IL1RAP: variants seen among roughly 807,000 people sequenced by gnomAD.
IL1RAP encodes interleukin-1 receptor accessory protein.
IL1RAP carries 35 observed loss-of-function variants against 60.7 expected under a neutral mutation model. The observed-to-expected ratio is 0.58, with a 90% confidence interval of 0.44 to 0.76. The LOEUF (loss-of-function observed/expected upper bound fraction) is 0.76. Among genes scored for constraint, IL1RAP ranks in the 30% least tolerant of loss-of-function variants. IL1RAP has a pLI of 0.00. For synonymous variants in IL1RAP, 268 were observed against 250.9 expected (o/e 1.07, Z -0.64); for missense variants, 572 against 693.9 (o/e 0.82, Z 1.97).
At chr3:190,522,343 TCCC>T (rs1722129557) in intron 1 of IL1RAP, among the ~76,000 whole-genome samples, 1 of 148,294 alleles carries the variant, frequency 6.7e-6, no homozygotes, top group African/African-American at 2.6e-5. Context: ...CCTTCCTTCC[TCCC>T]TCCCTCCCTT....
chr3:190,553,196 G>T (rs1389757581), intron 1 of IL1RAP, among the ~76,000 whole-genome samples: 1 of 152,126 alleles, frequency 6.6e-6, no homozygotes, highest in Non-Finnish European at 1.5e-5. Context: ...ATGGAGGCCC[G>T]CAAGGAAGTA....
chr3:190,587,915 A>G (rs1053960076), intron 3 of IL1RAP, among the ~76,000 whole-genome samples: 20 of 152,302 alleles, frequency 1.3e-4, no homozygotes, highest in African/African-American at 4.3e-4. Context: ...AATATCCTCT[A>G]TATCTGGGAT....
chr3:190,529,857 C>CA (rs56743516), intron 1 of IL1RAP, among the ~76,000 whole-genome samples: 15,058 of 75,486 alleles, frequency 0.2, 1,516 homozygotes, highest in African/African-American at 0.37. Flanking sequence ...GACTCTGACT[C>CA]AAAAAAAAAA....
chr3:190,557,469 A>T (rs536210732), intron 2 of IL1RAP, among the ~76,000 whole-genome samples: 1 of 152,158 alleles, frequency 6.6e-6, no homozygotes, highest in African/African-American at 2.4e-5. Context: ...GCTATTTCCT[A>T]AAAAGGGAGA....
chr3:190,537,216 C>CTT, intron 1 of IL1RAP, among the ~76,000 whole-genome samples: 1 of 151,458 alleles, frequency 6.6e-6, no homozygotes. Context: ...ATTTTCTCTT[C>CTT]TTTTTTTTTA....
At chr3:190,648,215 G>A (rs755515617) in intron 11 of IL1RAP, 123 bp from the exon 12 acceptor site, 6 of 1,260,576 alleles carry the variant, frequency 4.8e-6, no homozygotes, top group Non-Finnish European at 6.6e-6. Flanking sequence ...ATTTTTGCTG[G>A]TAAAATGTTT....
At chr3:190,565,059 C>T (rs1726255390) in intron 3 of IL1RAP, among the ~76,000 whole-genome samples, 1 of 151,820 alleles carries the variant, frequency 6.6e-6, no homozygotes, top group Non-Finnish European at 1.5e-5. Context: ...TAATCAAATT[C>T]TTAGAAAGTT....
Position 190,649,591 on chromosome 3 carries a change from G to A in IL1RAP, c.*886G>A. 1 of 985,826 alleles carries A rather than the reference G, an allele frequency of 1.0e-6. No homozygotes were observed. The highest frequency in any genetic ancestry group is 4.7e-5 in the South Asian group (1 of 21,290). The allele number at this position is 985,826 out of a possible 1,614,324, so 61.1% of individuals were successfully genotyped here. ...TGACTCATGAAAAGAGCACAGAAAAGGATGTTTGGCAATTTGTCTTTTAAG... is the reference window on the plus strand; with the variant it reads ...TGACTCATGAAAAGAGCACAGAAAAAGATGTTTGGCAATTTGTCTTTTAAG... On this transcript the variant is annotated 3_prime_UTR_variant, in exon 12 of 12. Coordinates refer to ENST00000447382, the MANE Select transcript of IL1RAP (RefSeq NM_002182.4).
chr3:190,587,576 TAGCTATGAGGAAGTTTAA>T (rs1401018933), intron 3 of IL1RAP, among the ~76,000 whole-genome samples: 2 of 152,228 alleles, frequency 1.3e-5, no homozygotes, highest in Non-Finnish European at 2.9e-5. Flanking sequence ...GAACTATATT[TAGCTATGAGGAAGTTTAA>T]AGTGATCTGT....
Position 190,583,140 on chromosome 3 carries a change from G to A in IL1RAP, c.64+18787G>A, listed in dbSNP as rs191573317. ...CTTTTTCATGATAATCACTCCAATAGCAATTGTTGTTAATTGGGTAATTAT... is the reference window on the plus strand; with the variant it reads ...CTTTTTCATGATAATCACTCCAATAACAATTGTTGTTAATTGGGTAATTAT... On this transcript the variant is annotated intron_variant, in intron 3 of 11. Coordinates refer to ENST00000447382, the MANE Select transcript of IL1RAP (RefSeq NM_002182.4). Among the ~76,000 whole-genome samples the A allele has an allele frequency of 2.6e-5, 4 of 152,246 alleles. No individual in the cohort carries two copies. In the East Asian group the frequency reaches 5.8e-4, roughly 22 times the overall value.
intron 2 of IL1RAP, among the ~76,000 whole-genome samples, chr3:190,562,263 G>A (rs3773982): frequency 0.2 from 30,953 of 151,890 alleles, 3,580 homozygotes; most frequent in African/African-American, 0.32. Flanking sequence ...CTTGTGTTTC[G>A]TCTTCTTTTA....
At chr3:190,630,075 C>A in intron 9 of IL1RAP, 1 of 785,588 alleles carries the variant, frequency 1.3e-6, no homozygotes, top group Non-Finnish European at 1.5e-6. Context: ...TGTTTATTTT[C>A]CAAAAATGCA....
chr3:190,609,002 A>G lies in IL1RAP; in HGVS notation c.358A>G (p.Thr120Ala). 6.2e-7 allele frequency: 1 copy of G among 1,612,682 alleles called. No individual in the cohort carries two copies. The highest frequency in any genetic ancestry group is 8.5e-7 in the Non-Finnish European group (1 of 1,179,194). ...GTATATTTCTTTTTTCAGGAACACT[A>G]CATATTGCAGCAAAGTTGCATTTCC... ...GNYTCMLRNT[T>A]YCSKVAFPLE... is the part of the protein sequence containing the mutation. The change falls in exon 5 of 12, where the codon ACA becomes GCA. Residue 120 changes from threonine (T) to alanine (A), a missense_variant. By Grantham distance (58) the Thr-to-Ala change is moderately conservative. Coordinates refer to ENST00000447382, the MANE Select transcript of IL1RAP (RefSeq NM_002182.4).
At chr3:190,526,581 G>A (rs1447225407) in intron 1 of IL1RAP, among the ~76,000 whole-genome samples, 1 of 152,148 alleles carries the variant, frequency 6.6e-6, no homozygotes, top group Non-Finnish European at 1.5e-5. Context: ...CTGTGATATG[G>A]TAAAATTACT....
chr3:190,629,723 C>T, intron 9 of IL1RAP: 2 of 1,229,438 alleles, frequency 1.6e-6, no homozygotes. Flanking sequence ...CCAAATGTAG[C>T]TAAAAAAATC....
At chr3:190,627,786 C>T (rs1732435981) in intron 8 of IL1RAP, among the ~76,000 whole-genome samples, 1 of 152,136 alleles carries the variant, frequency 6.6e-6, no homozygotes, top group South Asian at 2.1e-4. Context: ...AGAGAGAATA[C>T]ATATCTTACA....
chr3:190,620,139 C>G, intron 5 of IL1RAP, 136 bp from the exon 6 acceptor site: 1 of 502,736 alleles, frequency 2.0e-6, no homozygotes, highest in East Asian at 3.4e-5. Context: ...AAATACTTGA[C>G]CAAAATAGTT....
At chr3:190,599,664 G>A (rs1577695239) in intron 3 of IL1RAP, among the ~76,000 whole-genome samples, 1 of 144,942 alleles carries the variant, frequency 6.9e-6, no homozygotes, top group Non-Finnish European at 1.5e-5. Flanking sequence ...TTTTTTTTCT[G>A]TGAATTATTT....
intron 6 of IL1RAP, among the ~76,000 whole-genome samples, chr3:190,620,766 G>C (rs1577747504): frequency 6.6e-6 from 1 of 152,094 alleles, no homozygotes; most frequent in East Asian, 1.9e-4. Context: ...GTCTTTATCT[G>C]TACTCTGGAA....
Sources: gnomAD v4.1 joint callset for allele counts (sites outside exome capture counted in the v4.1 genomes callset) on GRCh38, gnomAD v4.1.1 for gene constraint, MANE v1.5 for transcripts, NCBI Gene and HGNC (gene_info 2026-07-23, HGNC 2026-07-21) for gene names.